The following GPR137C variants were observed in gnomAD, a reference collection of about 807,000 sequenced individuals.
GPR137C encodes integral membrane protein GPR137C.
GPR137C carries 27 observed loss-of-function variants against 43.4 expected under a neutral mutation model. That is an observed-to-expected ratio of 0.62 (90% CI 0.46 to 0.86). The LOEUF is 0.86. GPR137C is among the 40% of genes least tolerant of loss of function. The pLI is 0.00. For missense variants in GPR137C, 522 were observed against 534.6 expected, an observed-to-expected ratio of 0.98 and a Z score of 0.23; for synonymous variants, 285 against 226.9, an observed-to-expected ratio of 1.26 and a Z score of -2.30.
intron 1 of GPR137C, among the ~76,000 whole-genome samples, chr14:52,587,387 G>T (rs780606538): frequency 7.2e-5 from 11 of 152,108 alleles, no homozygotes; most frequent in Non-Finnish European, 1.6e-4. Flanking sequence ...TTGTTATCTG[G>T]CCATAAAACA....
chr14:52,624,063 TAAAGTA>T (rs1228516613), intron 3 of GPR137C, among the ~76,000 whole-genome samples: 1 of 151,480 alleles, frequency 6.6e-6, no homozygotes, highest in African/African-American at 2.4e-5. Context: ...TTTTTTATTT[TAAAGTA>T]AAATATTCTA....
chr14:52,626,039 A>G (rs1381894632), intron 3 of GPR137C, among the ~76,000 whole-genome samples: 2 of 152,212 alleles, frequency 1.3e-5, no homozygotes, highest in African/African-American at 4.8e-5. Flanking sequence ...CAACTTAAAA[A>G]ACAATACAGA....
At chr14:52,615,646 G>A (rs989788621) in intron 3 of GPR137C, among the ~76,000 whole-genome samples, 3 of 151,932 alleles carry the variant, frequency 2.0e-5, no homozygotes, top group African/African-American at 7.2e-5. Flanking sequence ...TTTAATCAGT[G>A]CTTTATAGTT....
intron 6 of GPR137C, among the ~76,000 whole-genome samples, chr14:52,634,648 T>C (rs1397257380): frequency 1.3e-5 from 2 of 152,130 alleles, no homozygotes; most frequent in Non-Finnish European, 2.9e-5. Context: ...TGTCTTAGAA[T>C]AGAGCTGAGT....
At chr14:52,567,731 C>G (rs967549940) in intron 1 of GPR137C, among the ~76,000 whole-genome samples, 1 of 148,930 alleles carries the variant, frequency 6.7e-6, no homozygotes, top group African/African-American at 2.5e-5. Flanking sequence ...GTGATCTCTG[C>G]TCACTGCAAC....
intron 3 of GPR137C, among the ~76,000 whole-genome samples, chr14:52,600,661 G>A (rs2038913362): frequency 6.6e-6 from 1 of 152,078 alleles, no homozygotes; most frequent in African/African-American, 2.4e-5. Context: ...ATAATCACTA[G>A]AAATTAAAAG....
chr14:52,602,193 C>A (rs749032919), intron 3 of GPR137C, among the ~76,000 whole-genome samples: 8 of 151,728 alleles, frequency 5.3e-5, no homozygotes, highest in Non-Finnish European at 1.2e-4. Context: ...CTTGTATAAT[C>A]ACTAGACTCA....
chr14:52,633,847 A>G lies in GPR137C; in HGVS notation c.1013A>G (p.Asn338Ser). The change falls in exon 6 of 7, where the codon AAT becomes AGT. Residue 338 changes from asparagine to serine, a missense_variant. Physicochemically the swap from Asn to Ser is conservative, Grantham distance 46. Around this residue, in one of 3 missense-constraint regions of GPR137C, gnomAD observed 437 missense variants for 425.7 expected, o/e 1.03. Coordinates refer to ENST00000321662, the MANE Select transcript of GPR137C (RefSeq NM_001099652.2). ...NQNLAPAGMI[N>S]SHSYSSRAYF... The stretch of plus-strand genomic sequence containing the variant: ...TCACAGGCACCTGCTGGCATGATAA[A>G]TAGTCACAGTTATAGTTCCAGAGCT... 1.9e-6 allele frequency: 3 copies of G among 1,611,974 alleles called. No homozygotes were observed. Among genetic ancestry groups the G allele is most frequent in the Non-Finnish European group, 2.5e-6 (3 of 1,178,250 alleles).
At position 52,603,393 on chromosome 14, in the gene GPR137C, G is replaced by A. The variant is rs570202581; in HGVS notation, c.717+3052G>A. 6.5e-4 allele frequency among the ~76,000 whole-genome samples: 99 copies of A among 152,238 alleles called. No individual in the cohort carries two copies. In the Middle Eastern group the frequency reaches 0.017, roughly 26 times the overall value. The stretch of plus-strand genomic sequence containing the variant: ...CCATATCTTGGCTATTATGAATAGT[G>A]CTACAATAAATATGGGAGTGCACCT... On this transcript the variant is annotated intron_variant, in intron 3 of 6. Coordinates refer to ENST00000321662, the MANE Select transcript of GPR137C (RefSeq NM_001099652.2).
intron 2 of GPR137C, among the ~76,000 whole-genome samples, chr14:52,599,347 C>T (rs1273896376): frequency 6.6e-6 from 1 of 151,840 alleles, no homozygotes; most frequent in Non-Finnish European, 1.5e-5. Context: ...CTTCTTTAGT[C>T]AAGTTTGAAA....
intron 1 of GPR137C, among the ~76,000 whole-genome samples, chr14:52,564,274 CAA>C (rs34302766): frequency 1.1e-4 from 10 of 93,176 alleles, no homozygotes; most frequent in South Asian, 3.8e-4. Context: ...GACTTCGTCT[CAA>C]AAAAAAAAAA....
chr14:52,610,149 A>T (rs1251232608), intron 3 of GPR137C, among the ~76,000 whole-genome samples: 3 of 152,166 alleles, frequency 2.0e-5, no homozygotes, highest in Non-Finnish European at 2.9e-5. Flanking sequence ...CCCCATTCTG[A>T]TTACTACATC....
Position 52,635,089 on chromosome 14 carries a change from A to G in GPR137C, c.1264A>G (p.Ser422Gly). ...CSNLDLNNHHSLYVTPQN is the reference protein window; with the variant it reads ...CSNLDLNNHHGLYVTPQN ...TAATTTAGATTTGAACAATCATCAT[A>G]GCTTATATGTGACACCACAAAACTG... Residue 422 changes from serine to glycine, a missense_variant, in exon 7 of 7, where the codon AGC becomes GGC. By Grantham distance (56) the Ser-to-Gly change is moderately conservative. Transcript: ENST00000321662. The G allele has an allele frequency of 8.2e-6, 13 of 1,584,924 alleles. No individual in the cohort carries two copies. The highest frequency in any genetic ancestry group is 1.1e-5 in the Non-Finnish European group (13 of 1,169,334).
rs1180401969 is a variant in GPR137C, at chr14:52,636,870, ACAACT to A, written c.*1757_*1761del. ...TAAGTGACAAAAGCGTACTTTTATT[ACAACT>A]CCAGTTGTTAGATTGCTTCTCAGAA... is the stretch of plus-strand genomic sequence containing the variant. On this transcript the variant is annotated 3_prime_UTR_variant, in exon 7 of 7. Coordinates refer to ENST00000321662, the MANE Select transcript of GPR137C (RefSeq NM_001099652.2). 1 of 152,144 alleles carries A rather than the reference ACAACT, an allele frequency of 6.6e-6. No individual in the cohort carries two copies. The highest frequency in any genetic ancestry group is 1.5e-5 in the Non-Finnish European group (1 of 67,988). 9.4% of individuals were successfully genotyped at this position (152,144 alleles called of 1,614,324 possible). A position where few individuals can be genotyped will look rare whatever the true frequency, so the allele number is the denominator to read the frequency against.
intron 3 of GPR137C, among the ~76,000 whole-genome samples, chr14:52,624,982 A>C (rs1397040597): frequency 1.3e-5 from 2 of 152,232 alleles, no homozygotes; most frequent in Non-Finnish European, 2.9e-5. Context: ...TGAAATGGAC[A>C]AATTCTTTTA....
chr14:52,561,466 C>T (rs1385947604), intron 1 of GPR137C, among the ~76,000 whole-genome samples: 1 of 152,158 alleles, frequency 6.6e-6, no homozygotes. Context: ...GGAGAAAAAT[C>T]TAGCCATTAT....
chr14:52,632,501 C>T (rs1220670352), intron 4 of GPR137C, among the ~76,000 whole-genome samples, 192 bp downstream of exon 4: 1 of 152,064 alleles, frequency 6.6e-6, no homozygotes, highest in Non-Finnish European at 1.5e-5. Flanking sequence ...TCACAGAGAA[C>T]TTCTCTCAAA....
intron 1 of GPR137C, among the ~76,000 whole-genome samples, chr14:52,568,969 TG>T (rs750891255): frequency 1.3e-5 from 2 of 152,218 alleles, no homozygotes; most frequent in African/African-American, 2.4e-5. Context: ...CCTCCTCAAT[TG>T]GGTCCCTGAC....
chr14:52,557,251 TTTAGAAAATAG>T (rs1238783799), intron 1 of GPR137C, among the ~76,000 whole-genome samples: 1 of 152,206 alleles, frequency 6.6e-6, no homozygotes, highest in Non-Finnish European at 1.5e-5. Context: ...AAGGTCAAAA[TTTAGAAAATAG>T]TTATCTAAAA....
Sources: gnomAD v4.1 joint callset for allele counts (sites outside exome capture counted in the v4.1 genomes callset) on GRCh38, gnomAD v4.1.1 for gene constraint, gnomAD v4.1.1 regional missense constraint, MANE v1.5 for transcripts, NCBI Gene and HGNC (gene_info 2026-07-23, HGNC 2026-07-21) for gene names.